Variants in EYS observed in about 807,000 individuals in gnomAD.
EYS encodes the protein protein eyes shut homolog.
Under a neutral mutation model 282.1 loss-of-function variants are expected in EYS, and 250 were observed. The observed-to-expected ratio is 0.89, with a 90% CI of 0.80 to 0.98. The LOEUF is 0.98. Ranked by LOEUF, EYS falls within the 50% of genes least tolerant of loss-of-function variation. The probability of loss-of-function intolerance (pLI) is 0.00; values close to 1 mark genes in which losing one functional copy is unlikely to be tolerated. For synonymous variants in EYS, 1,355 were observed against 1,282.9 expected, an observed-to-expected ratio of 1.06 and a Z score of -1.20; for missense variants, 4,016 against 3,709.0, an observed-to-expected ratio of 1.08 and a Z score of -2.15.
At chr6:65,238,078 T>C (rs942246617) in intron 12 of EYS, among the ~76,000 whole-genome samples, 2 of 151,866 alleles carry the variant, frequency 1.3e-5, no homozygotes, top group African/African-American at 4.8e-5. Flanking sequence ...ACATTTTTCT[T>C]TTTTACCAAA....
chr6:64,718,030 C>T (rs1441138930), intron 22 of EYS, among the ~76,000 whole-genome samples: 2 of 152,188 alleles, frequency 1.3e-5, no homozygotes, highest in African/African-American at 2.4e-5. Flanking sequence ...CTGCTCTGAG[C>T]TGTTCTGCCT....
chr6:64,045,786 T>A (rs1235100474), intron 33 of EYS, among the ~76,000 whole-genome samples: 4 of 150,686 alleles, frequency 2.7e-5, no homozygotes, highest in Non-Finnish European at 5.9e-5. Flanking sequence ...TTATGCAATA[T>A]GTAATATTAT....
intron 12 of EYS, among the ~76,000 whole-genome samples, chr6:65,124,763 G>A (rs1473320889): frequency 6.6e-6 from 1 of 152,128 alleles, no homozygotes; most frequent in Non-Finnish European, 1.5e-5. Flanking sequence ...TAAATGCTCT[G>A]TGAAGTGTTT....
chr6:64,454,055 T>G (rs1377183273), intron 26 of EYS, among the ~76,000 whole-genome samples: 1 of 152,126 alleles, frequency 6.6e-6, no homozygotes, highest in East Asian at 1.9e-4. Context: ...CAAAACTGTT[T>G]AGCATTCACT....
At chr6:64,072,353 G>A (rs766190429) in intron 32 of EYS, among the ~76,000 whole-genome samples, 17 of 150,434 alleles carry the variant, frequency 1.1e-4, no homozygotes, top group South Asian at 2.1e-4. Context: ...TCTTTTCTGC[G>A]TCTTCTGAGA....
At chr6:65,477,960 T>C (rs561915436) in intron 5 of EYS, among the ~76,000 whole-genome samples, 1 of 152,264 alleles carries the variant, frequency 6.6e-6, no homozygotes, top group East Asian at 1.9e-4. Context: ...CAGAAGAGAA[T>C]GATAATACTT....
intron 2 of EYS, among the ~76,000 whole-genome samples, chr6:65,615,401 TG>T (rs1766152817): frequency 8.2e-6 from 1 of 122,318 alleles, no homozygotes; most frequent in South Asian, 3.1e-4. Flanking sequence ...TATATATATA[TG>T]TGTGTGTATA....
At chr6:65,249,075 A>C (rs1016974153) in intron 12 of EYS, among the ~76,000 whole-genome samples, 1 of 151,702 alleles carries the variant, frequency 6.6e-6, no homozygotes, top group South Asian at 2.1e-4. Context: ...GTGAAAAAAA[A>C]AAAACAAAAC....
chr6:64,749,753 T>C (rs976464971), intron 22 of EYS, among the ~76,000 whole-genome samples: 1 of 152,162 alleles, frequency 6.6e-6, no homozygotes, highest in African/African-American at 2.4e-5. Context: ...CAGGAATCGA[T>C]AGCCCAGGTT....
intron 12 of EYS, among the ~76,000 whole-genome samples, chr6:65,134,906 C>T (rs1444025402): frequency 6.6e-6 from 1 of 152,000 alleles, no homozygotes; most frequent in Non-Finnish European, 1.5e-5. Context: ...ACTCTTGCAA[C>T]TGTCCAGACC....
At chr6:64,116,578 A>C (rs115193110) in intron 31 of EYS, among the ~76,000 whole-genome samples, 2,935 of 152,262 alleles carry the variant, frequency 0.019, 82 homozygotes, top group African/African-American at 0.066. Flanking sequence ...TCCAATCAAA[A>C]GACATAGAGT....
Position 63,724,411 on chromosome 6 carries a change from A to C in EYS, c.8233+2108T>G, listed in dbSNP as rs181614148. On this transcript the variant is annotated intron_variant, in intron 42 of 42. Coordinates refer to ENST00000503581, the MANE Select transcript of EYS (RefSeq NM_001142800.2). Reference sequence around the variant, plus strand: ...GAAAAGGAAAGCAATGGTAATTTAAACTTATTTATATATTTTTAATATAGT... The same window carrying C: ...GAAAAGGAAAGCAATGGTAATTTAACCTTATTTATATATTTTTAATATAGT... Among the ~76,000 whole-genome samples the C allele has an allele frequency of 1.1e-4, 16 of 150,916 alleles. No individual in the cohort carries two copies. The East Asian group carries it at 3.1e-3, about 29-fold the overall frequency.
intron 35 of EYS, among the ~76,000 whole-genome samples, chr6:63,903,710 G>C (rs977635094): frequency 1.3e-5 from 2 of 152,092 alleles, no homozygotes; most frequent in Non-Finnish European, 2.9e-5. Flanking sequence ...GGGATGTTTT[G>C]TCTGTTTTAT....
chr6:65,182,597 ACACT>A (rs1348860030), intron 12 of EYS, among the ~76,000 whole-genome samples: 12 of 151,906 alleles, frequency 7.9e-5, no homozygotes, highest in African/African-American at 2.2e-4. Flanking sequence ...ATTAAAACAC[ACACT>A]CAATCATAAT....
At chr6:64,293,423 GCTTT>G (rs1768785213) in intron 30 of EYS, among the ~76,000 whole-genome samples, 2 of 152,046 alleles carry the variant, frequency 1.3e-5, no homozygotes. Context: ...GATCTCTGGT[GCTTT>G]CTATCTTTGG....
chr6:64,729,180 G>A (rs1368314695), intron 22 of EYS: 1 of 152,296 alleles, frequency 6.6e-6, no homozygotes, highest in East Asian at 1.9e-4. Flanking sequence ...TTCCAGGTTT[G>A]AGGGTGGGAC....
chr6:64,172,631 G>A (rs1764516283), intron 31 of EYS, among the ~76,000 whole-genome samples: 1 of 152,212 alleles, frequency 6.6e-6, no homozygotes, highest in South Asian at 2.1e-4. Flanking sequence ...CTCACCTACT[G>A]CTTACCTCCT....
chr6:64,938,337 T>TGA (rs375999442), intron 15 of EYS, among the ~76,000 whole-genome samples: 109 of 148,410 alleles, frequency 7.3e-4, no homozygotes, highest in East Asian at 3.9e-3. Flanking sequence ...TAAGATATTT[T>TGA]GAGAGAGAGA....
chr6:64,388,061 C>T (rs1306342142), intron 29 of EYS, among the ~76,000 whole-genome samples: 1 of 151,984 alleles, frequency 6.6e-6, no homozygotes, highest in African/African-American at 2.4e-5. Context: ...ATGTAATAAG[C>T]TACTGGTATA....
Sources: allele counts gnomAD v4.1 joint callset (sites outside exome capture counted in the v4.1 genomes callset), GRCh38; gene constraint gnomAD v4.1.1; transcripts MANE v1.5; gene names NCBI Gene and HGNC (gene_info 2026-07-23, HGNC 2026-07-21).